Variants in TPST1 observed in about 807,000 individuals in gnomAD.
The protein encoded by TPST1 is protein-tyrosine sulfotransferase 1.
A neutral mutation model predicts 34.8 loss-of-function variants in TPST1; 20 were observed. That is an observed-to-expected ratio of 0.57 (90% CI 0.40 to 0.84). The LOEUF is 0.84. TPST1 is among the 40% of genes least tolerant of loss of function. The pLI is 0.00. For synonymous variants in TPST1, 152 were observed against 159.4 expected (o/e 0.95, Z 0.35); for missense variants, 353 against 455.5 (o/e 0.78, Z 2.05).
intron 3 of TPST1, among the ~76,000 whole-genome samples, chr7:66,319,346 A>G (rs992900354): frequency 3.9e-5 from 6 of 152,132 alleles, no homozygotes; most frequent in African/African-American, 1.4e-4. Flanking sequence ...TTTGCTCTTT[A>G]ACGTGTCCAG....
chr7:66,297,403 C>T (rs537660858), intron 3 of TPST1, among the ~76,000 whole-genome samples: 1 of 152,254 alleles, frequency 6.6e-6, no homozygotes, highest in Admixed American at 6.5e-5. Context: ...AGCAGGAATC[C>T]ACCTTGAGAG....
intron 2 of TPST1, among the ~76,000 whole-genome samples, chr7:66,258,731 T>C (rs1790428466): frequency 6.6e-6 from 1 of 152,188 alleles, no homozygotes; most frequent in Non-Finnish European, 1.5e-5. Context: ...TCAGAAAAAG[T>C]GTTAAAAATA....
intron 3 of TPST1, among the ~76,000 whole-genome samples, chr7:66,330,968 A>G (rs1443283447): frequency 6.6e-6 from 1 of 152,224 alleles, no homozygotes; most frequent in Non-Finnish European, 1.5e-5. Flanking sequence ...AAAGCTACCT[A>G]GATGCTTCTA....
chr7:66,266,395 C>T (rs1227948390), intron 2 of TPST1, among the ~76,000 whole-genome samples: 2 of 152,086 alleles, frequency 1.3e-5, no homozygotes, highest in Admixed American at 6.5e-5. Flanking sequence ...ATGGACATTA[C>T]AGAGTAATGG....
chr7:66,347,386 A>G (rs1443996961), intron 3 of TPST1, among the ~76,000 whole-genome samples: 1 of 151,992 alleles, frequency 6.6e-6, no homozygotes, highest in African/African-American at 2.4e-5. Flanking sequence ...GTTTCATTCT[A>G]CTACATATGG....
intron 2 of TPST1, among the ~76,000 whole-genome samples, chr7:66,280,244 A>G (rs1790906171): frequency 6.6e-6 from 1 of 152,222 alleles, no homozygotes; most frequent in African/African-American, 2.4e-5. Context: ...GAAGCCACCC[A>G]GCATTCTTGG....
intron 2 of TPST1, among the ~76,000 whole-genome samples, chr7:66,265,368 C>T (rs138270280): frequency 1.8e-4 from 27 of 151,984 alleles, no homozygotes; most frequent in East Asian, 1.7e-3. Context: ...TGCGCAACAG[C>T]GTGAAACCCT....
At chr7:66,236,434 G>A (rs1789914115) in intron 1 of TPST1, among the ~76,000 whole-genome samples, 1 of 151,910 alleles carries the variant, frequency 6.6e-6, no homozygotes, top group Admixed American at 6.6e-5. Flanking sequence ...ACACTTTTAG[G>A]ATTGTTTATA....
At chr7:66,234,740 G>C (rs1043117608) in intron 1 of TPST1, among the ~76,000 whole-genome samples, 1 of 152,094 alleles carries the variant, frequency 6.6e-6, no homozygotes, top group Admixed American at 6.6e-5. Context: ...GCGGTGGCAG[G>C]ATCTCAGCTC....
At chr7:66,354,253 C>T (rs578177869) in intron 4 of TPST1, among the ~76,000 whole-genome samples, 1 of 152,218 alleles carries the variant, frequency 6.6e-6, no homozygotes, top group South Asian at 2.1e-4. Context: ...AACAGACTGA[C>T]ACCGGCTGTG....
chr7:66,231,300 A>G (rs181765476), intron 1 of TPST1, among the ~76,000 whole-genome samples: 2 of 152,356 alleles, frequency 1.3e-5, no homozygotes, highest in African/African-American at 4.8e-5. Context: ...GGCTTCGCCC[A>G]GTGGATCCCG....
rs149615450 is a variant in TPST1 at position 66,244,414 on chromosome 7, T to C, written c.845+3144T>C. ...TAGAGATATCAGGAGACCTTCACAGTTCTGCCTCTTATCTTGTTAATTTTT... is the reference window on the plus strand; with the variant it reads ...TAGAGATATCAGGAGACCTTCACAGCTCTGCCTCTTATCTTGTTAATTTTT... On this transcript the variant is annotated intron_variant, in intron 2 of 5. Transcript: ENST00000304842. Among the ~76,000 whole-genome samples the C allele has an allele frequency of 8.4e-4, 128 of 152,290 alleles. 1 individual carries two copies. In the South Asian group the frequency reaches 0.013, roughly 15 times the overall value.
intron 3 of TPST1, among the ~76,000 whole-genome samples, chr7:66,341,975 CAA>C (rs1039765381): frequency 4.6e-5 from 7 of 151,950 alleles, no homozygotes; most frequent in African/African-American, 1.2e-4. Flanking sequence ...AAAGAAAAAA[CAA>C]GAGATGACTT....
intron 3 of TPST1, among the ~76,000 whole-genome samples, chr7:66,312,539 T>C (rs1791550594): frequency 6.6e-6 from 1 of 152,192 alleles, no homozygotes; most frequent in South Asian, 2.1e-4. Context: ...GTGCCTGATA[T>C]AATTTCTCCA....
intron 1 of TPST1, among the ~76,000 whole-genome samples, chr7:66,208,351 A>G (rs532333628): frequency 1.3e-5 from 2 of 152,312 alleles, no homozygotes; most frequent in African/African-American, 4.8e-5. Context: ...GTTTCTGTCT[A>G]CAGGCACCTA....
chr7:66,359,087 A>C (rs1260834729), intron 5 of TPST1: 2 of 152,054 alleles, frequency 1.3e-5, no homozygotes, highest in African/African-American at 2.4e-5. Flanking sequence ...CCATTTCTTC[A>C]CGTGAGGAGG....
At position 66,240,468 on chromosome 7, in the gene TPST1, G is replaced by A; in HGVS notation, c.43G>A (p.Val15Met). Residue 15 changes from valine (V) to methionine (M), a missense_variant, in exon 2 of 6, where the codon GTG becomes ATG. Physicochemically the swap from Val to Met is conservative, Grantham distance 21. Coordinates refer to ENST00000304842, the MANE Select transcript of TPST1 (RefSeq NM_003596.4). Reference protein sequence around the residue: ...LKQNLLLACLVISSVTVFYLG... With the variant: ...LKQNLLLACLMISSVTVFYLG... ...GCAGAACTTACTATTGGCATGTCTG[G>A]TGATTAGTTCTGTGACTGTGTTTTA... 1 of 1,614,174 alleles carries A rather than the reference G, an allele frequency of 6.2e-7. No individual in the cohort carries two copies. The highest frequency in any genetic ancestry group is 8.5e-7 in the Non-Finnish European group (1 of 1,180,040).
chr7:66,220,897 C>G (rs1562800871), intron 1 of TPST1, among the ~76,000 whole-genome samples: 1 of 152,118 alleles, frequency 6.6e-6, no homozygotes, highest in African/African-American at 2.4e-5. Flanking sequence ...TTTTGGGAGG[C>G]CAAGGTGGGT....
intron 2 of TPST1, among the ~76,000 whole-genome samples, chr7:66,257,570 G>A (rs541260723): frequency 1.1e-4 from 16 of 152,182 alleles, no homozygotes; most frequent in African/African-American, 3.9e-4. Flanking sequence ...ACCTCTTTTC[G>A]TGTTATACTA....
Sources: allele counts gnomAD v4.1 joint callset (sites outside exome capture counted in the v4.1 genomes callset), GRCh38; gene constraint gnomAD v4.1.1; transcripts MANE v1.5; gene names NCBI Gene and HGNC (gene_info 2026-07-23, HGNC 2026-07-21).